The following ZNF668 variants were observed in gnomAD, a reference collection of about 807,000 sequenced individuals.
ZNF668 encodes zinc finger protein 668.
A neutral mutation model predicts 40.3 loss-of-function variants in ZNF668; 10 were observed. The observed-to-expected ratio is 0.25, with a 90% CI of 0.15 to 0.42. ZNF668 has a LOEUF of 0.42. ZNF668 is among the 10% of genes least tolerant of loss of function. The pLI is 1.00. For synonymous variants in ZNF668, 428 were observed against 384.6 expected, an observed-to-expected ratio of 1.11 and a Z score of -1.32; for missense variants, 749 against 904.6, an observed-to-expected ratio of 0.83 and a Z score of 2.21.
intron 1 of ZNF668, among the ~76,000 whole-genome samples, chr16:31,070,198 G>A (rs1448209126): frequency 3.3e-5 from 5 of 151,688 alleles, no homozygotes; most frequent in Non-Finnish European, 7.4e-5. Flanking sequence ...GATTACAGGT[G>A]TGAGCCACCG....
At chr16:31,068,530 T>C (rs2056995193) in intron 1 of ZNF668, among the ~76,000 whole-genome samples, 2 of 150,044 alleles carry the variant, frequency 1.3e-5, no homozygotes, top group African/African-American at 4.9e-5. Flanking sequence ...ACTTTTTTTT[T>C]TTTTTTTATT....
rs767360574 is a variant in ZNF668, at chr16:31,061,660, G to T, written c.1268C>A (p.Pro423His). 1 of 1,613,122 alleles carries T rather than the reference G, an allele frequency of 6.2e-7. No individual in the cohort carries two copies. Among genetic ancestry groups the T allele is most frequent in the South Asian group, 1.1e-5 (1 of 91,074 alleles). ...THRSSEAAGV[P>H]PAQELVVGLA... Reference sequence around the variant, plus strand: ...CCCCACCACCAGCTCCTGTGCAGGGGGCACACCCGCGGCCTCACTGCTTCG... The same window carrying T: ...CCCCACCACCAGCTCCTGTGCAGGGTGCACACCCGCGGCCTCACTGCTTCG... Residue 423 changes from proline to histidine, a missense_variant, in exon 3 of 3, where the codon CCC becomes CAC. By Grantham distance (77) the Pro-to-His change is moderately conservative. Around this residue, in one of 4 missense-constraint regions of ZNF668, gnomAD observed 310 missense variants for 355.1 expected, o/e 0.87. Coordinates refer to ENST00000300849, the MANE Select transcript of ZNF668 (RefSeq NM_024706.5). This position sits in a 1 kb window ranked among gnomAD's most constrained non-coding sequence, Gnocchi z 7.7.
At chr16:31,065,545 G>C (rs1440727419) in intron 1 of ZNF668, 1 of 152,226 alleles carries the variant, frequency 6.6e-6, no homozygotes, top group African/African-American at 2.4e-5. Context: ...AGTGAAATGA[G>C]TGTTGTTTAT....
In ZNF668 at chr16:31,061,839, G is replaced by A. The variant is rs200611566; in HGVS notation, c.1089C>T (p.Pro363=). 5.6e-5 allele frequency: 90 copies of A among 1,613,036 alleles called. No individual in the cohort carries two copies. Among genetic ancestry groups the A allele is most frequent in the Non-Finnish European group, 6.9e-5 (81 of 1,179,790 alleles). Reference sequence around the variant, plus strand: ...CTCGCCCGCACTCCTCACAGCGGAAGGGCCGCTGGCCAGAGTGCACCAGCG... The same window carrying A: ...CTCGCCCGCACTCCTCACAGCGGAAAGGCCGCTGGCCAGAGTGCACCAGCG... ...RHALVHSGQR[P]FRCEECGRAF... Residue 363 remains proline, a synonymous_variant, in exon 3 of 3, where the codon CCC becomes CCT. Coordinates refer to ENST00000300849, the MANE Select transcript of ZNF668 (RefSeq NM_024706.5). The surrounding 1 kb of genome is among the most constrained non-coding windows in gnomAD (Gnocchi z 7.7).
chr16:31,061,281 G>A lies in ZNF668; in HGVS notation c.1647C>T (p.Cys549=), dbSNP rs756586541. The A allele has an allele frequency of 5.5e-5, 85 of 1,559,158 alleles. No homozygotes were observed. In the South Asian group the frequency reaches 6.3e-4, roughly 11 times the overall value. ...PELRPFPCTQ[C]GKSFSDRAGL... is the part of the protein sequence containing the mutation. ...CAGCCCGGTCAGAGAAGCTCTTGCC[G>A]CACTGGGTGCAGGGGAAGGGCCGGA... Residue 549 remains cysteine, a synonymous_variant, in exon 3 of 3, where the codon TGC becomes TGT. Coordinates refer to ENST00000300849, the MANE Select transcript of ZNF668 (RefSeq NM_024706.5). The surrounding 1 kb of genome is among the most constrained non-coding windows in gnomAD (Gnocchi z 7.7).
At chr16:31,070,692 C>T (rs929518047) in intron 1 of ZNF668, among the ~76,000 whole-genome samples, 5 of 151,516 alleles carry the variant, frequency 3.3e-5, no homozygotes, top group Non-Finnish European at 5.9e-5. Context: ...AGGCATCCAC[C>T]ACCACGCCTG....
At chr16:31,073,315 G>C (rs2057031967) in intron 1 of ZNF668, 1 of 152,478 alleles carries the variant, frequency 6.6e-6, no homozygotes, top group Admixed American at 6.5e-5. Context: ...CAGGGGAGGG[G>C]GCCGCCGGCG....
In ZNF668 at chr16:31,074,016, CT is replaced by C. The variant is rs544200159; in HGVS notation, c.-381del. ...GGAGGACAAAAAGGCCATGCTCAAG[CT>C]CTGCAAAACCTAAGTCCAATTATAT... On this transcript the variant is annotated 5_prime_UTR_variant, in exon 1 of 3. The change abolishes the stop of an existing upstream ORF in the 5' untranslated region. Coordinates refer to ENST00000300849, the MANE Select transcript of ZNF668 (RefSeq NM_024706.5). The C allele has an allele frequency of 6.6e-6, 1 of 152,378 alleles. No individual in the cohort carries two copies. The highest frequency in any genetic ancestry group is 1.5e-5 in the Non-Finnish European group (1 of 68,058). 9.4% of individuals were successfully genotyped at this position (152,378 alleles called of 1,614,324 possible).
Position 31,063,803 on chromosome 16 carries a change from G to T in ZNF668, c.647+10C>A. 6.5e-7 allele frequency: 1 copy of T among 1,549,362 alleles called. No homozygotes were observed. Among genetic ancestry groups the T allele is most frequent in the South Asian group, 1.2e-5 (1 of 84,760 alleles). On this transcript the variant is annotated intron_variant, in intron 2 of 2. Coordinates refer to ENST00000300849, the MANE Select transcript of ZNF668 (RefSeq NM_024706.5). Reference sequence around the variant, plus strand: ...CCCGGAAGGCGCCCTGCCCCGGAAGGCACCCTCACCGCTCATGGTTGCGGA... The same window carrying T: ...CCCGGAAGGCGCCCTGCCCCGGAAGTCACCCTCACCGCTCATGGTTGCGGA...
intron 2 of ZNF668, 66 bp downstream of exon 2, chr16:31,063,747 C>T (rs1318768173): frequency 7.0e-7 from 1 of 1,436,006 alleles, no homozygotes; most frequent in Non-Finnish European, 9.2e-7. Flanking sequence ...AAACCCAGGC[C>T]CCATTGGCTG....
chr16:31,068,526 T>TA (rs1465816298), intron 1 of ZNF668, among the ~76,000 whole-genome samples: 1 of 148,732 alleles, frequency 6.7e-6, no homozygotes, highest in African/African-American at 2.5e-5. Flanking sequence ...CCAGACTTTT[T>TA]TTTTTTTTTT....
rs1266447532 is a variant in ZNF668, at chr16:31,061,822, C to T, written c.1106G>A (p.Cys369Tyr). Reference sequence around the variant, plus strand: ...GGCACGCTCGGCGAAGGCTCGCCCGCACTCCTCACAGCGGAAGGGCCGCTG... The same window carrying T: ...GGCACGCTCGGCGAAGGCTCGCCCGTACTCCTCACAGCGGAAGGGCCGCTG... ...SGQRPFRCEE[C>Y]GRAFAERASL... is the part of the protein sequence containing the mutation. The change falls in exon 3 of 3, where the codon TGC (cysteine) becomes TAC (tyrosine). Residue 369 changes from cysteine (C) to tyrosine (Y), a missense_variant. Transcript: ENST00000300849. The surrounding 1 kb of genome is among the most constrained non-coding windows in gnomAD (Gnocchi z 7.7). The T allele has an allele frequency of 4.3e-6, 7 of 1,612,938 alleles. No homozygotes were observed. The highest frequency in any genetic ancestry group is 5.9e-6 in the Non-Finnish European group (7 of 1,179,850).
intron 1 of ZNF668, among the ~76,000 whole-genome samples, chr16:31,071,865 G>A (rs2057017708): frequency 6.6e-6 from 1 of 152,196 alleles, no homozygotes; most frequent in Admixed American, 6.5e-5. Flanking sequence ...AACTACTCAA[G>A]CCAACTGCAC....
At chr16:31,071,910 T>C (rs1006662675) in intron 1 of ZNF668, among the ~76,000 whole-genome samples, 1 of 152,224 alleles carries the variant, frequency 6.6e-6, no homozygotes, top group African/African-American at 2.4e-5. Context: ...TGAATGTTTG[T>C]GTTCCCTGTC....
intron 1 of ZNF668, 121 bp from the exon 2 acceptor site, chr16:31,064,602 A>G: frequency 1.3e-6 from 2 of 1,543,896 alleles, no homozygotes; most frequent in Non-Finnish European, 1.7e-6. Flanking sequence ...CCTGCCCAGC[A>G]TTCCTGGCTC....
At chr16:31,065,199 C>T in intron 1 of ZNF668, 1 of 918,910 alleles carries the variant, frequency 1.1e-6, no homozygotes, top group Non-Finnish European at 1.3e-6. Flanking sequence ...CTTTCTGAGT[C>T]ATAACTGATG....
chr16:31,064,578 ACCCACACAT>A, intron 1 of ZNF668, 97 bp from the exon 2 acceptor site: 4 of 1,564,078 alleles, frequency 2.6e-6, no homozygotes, highest in Non-Finnish European at 1.7e-6. Flanking sequence ...TCACCTCGGA[ACCCACACAT>A]CCTTCCTGCC....
Position 31,063,839 on chromosome 16 carries a change from C to T in ZNF668, c.621G>A (p.Glu207=), listed in dbSNP as rs771420207. ...SCERCGKAYA[E]LKDLRNHERS... is the part of the protein sequence containing the mutation. Reference sequence around the variant, plus strand: ...GCTCATGGTTGCGGAGGTCCTTGAGCTCCGCATAGGCTTTGCCGCAACGCT... The same window carrying T: ...GCTCATGGTTGCGGAGGTCCTTGAGTTCCGCATAGGCTTTGCCGCAACGCT... The change falls in exon 2 of 3, where the codon GAG becomes GAA. Residue 207 remains glutamate, a synonymous_variant. Transcript: ENST00000300849. 6.3e-7 allele frequency: 1 copy of T among 1,581,856 alleles called. No homozygotes were observed.
chr16:31,065,853 C>CA (rs58263461), intron 1 of ZNF668, among the ~76,000 whole-genome samples: 2,369 of 142,404 alleles, frequency 0.017, 35 homozygotes, highest in Admixed American at 0.026. Flanking sequence ...GACTCCGTCT[C>CA]AAAAAAAAAA....
Sources: gnomAD v4.1 joint callset for allele counts (sites outside exome capture counted in the v4.1 genomes callset) on GRCh38, gnomAD v4.1.1 for gene constraint, gnomAD v4.1.1 regional missense constraint, Gnocchi (gnomAD v3.1) non-coding constraint, MANE v1.5 for transcripts, NCBI Gene and HGNC (gene_info 2026-07-23, HGNC 2026-07-21) for gene names.